AKNA: variants seen among roughly 807,000 people sequenced by gnomAD.
The protein encoded by AKNA is microtubule organization protein AKNA.
A neutral mutation model predicts 138.8 loss-of-function variants in AKNA; 67 were observed. The observed-to-expected ratio is 0.48, with a 90% CI of 0.40 to 0.59. The LOEUF (loss-of-function observed/expected upper bound fraction) is 0.59, where lower values mean the gene tolerates loss of function less well. Ranked by LOEUF, AKNA falls within the 20% of genes least tolerant of loss-of-function variation. AKNA has a pLI of 0.00. For synonymous variants in AKNA, 737 were observed against 754.4 expected, an observed-to-expected ratio of 0.98 and a Z score of 0.38; for missense variants, 1,813 against 1,880.4, an observed-to-expected ratio of 0.96 and a Z score of 0.66.
rs1554842085 is a variant in AKNA at position 114,372,969 on chromosome 9, G to GGGGA, written c.1416+1123_1416+1124insTCCC. On this transcript the variant is annotated intron_variant, in intron 4 of 21. Transcript: ENST00000374088. The stretch of plus-strand genomic sequence containing the variant: ...CAGCAGGTGTGGGGACGCAGCGGGG[G>GGGGA]GGGGGGGGGTCCTGGTCCTAGAACA... Among the ~76,000 whole-genome samples, 2 of 137,824 alleles carry GGGGA rather than the reference G, an allele frequency of 1.5e-5. 1 individual carries two copies. The highest frequency in any genetic ancestry group is 1.4e-4 in the Admixed American group (2 of 14,378). 90.4% of individuals were successfully genotyped at this position (137,824 alleles called of 152,430 possible).
chr9:114,391,294 G>A (rs1294650667), upstream of AKNA, among the ~76,000 whole-genome samples: 2 of 152,216 alleles, frequency 1.3e-5, no homozygotes, highest in South Asian at 2.1e-4. Context: ...CAATAAAATC[G>A]AGAGTGGAGC....
intron 21 of AKNA, among the ~76,000 whole-genome samples, chr9:114,340,910 C>T (rs1250505053): frequency 6.6e-6 from 1 of 152,166 alleles, no homozygotes; most frequent in African/African-American, 2.4e-5. Flanking sequence ...CAATCGCATA[C>T]CACATGGGAT....
In AKNA at chr9:114,359,619, C is replaced by T. The variant is rs1831775973; in HGVS notation, c.2467G>A (p.Glu823Lys). ...VLPRQCPVQAEKSHGAPLEEA... is the reference protein window; with the variant it reads ...VLPRQCPVQAKKSHGAPLEEA... ...TCCAGGGGAGCCCCATGACTTTTCT[C>T]AGCCTGCACCGGGCACTGCCTTGGG... The change falls in exon 11 of 22, where the codon GAG becomes AAG. Residue 823 changes from glutamate (E) to lysine (K), a missense_variant. Glu to Lys is a moderately conservative substitution (Grantham distance 56). Transcript: ENST00000374088. 1 of 1,614,086 alleles carries T rather than the reference C, an allele frequency of 6.2e-7. No homozygotes were observed. Among genetic ancestry groups the T allele is most frequent in the Admixed American group, 1.7e-5 (1 of 60,010 alleles).
chr9:114,379,098 C>G (rs1055513249), intron 2 of AKNA, among the ~76,000 whole-genome samples: 2 of 152,226 alleles, frequency 1.3e-5, no homozygotes, highest in Non-Finnish European at 2.9e-5. Flanking sequence ...GGACCTAGGA[C>G]CCAGGCCCCA....
At position 114,381,076 on chromosome 9, in the gene AKNA, T is replaced by C; in HGVS notation, c.258A>G (p.Gly86=). 6.3e-7 allele frequency: 1 copy of C among 1,582,818 alleles called. No homozygotes were observed. The highest frequency in any genetic ancestry group is 8.6e-7 in the Non-Finnish European group (1 of 1,163,990). Residue 86 remains glycine (G), a synonymous_variant, in exon 2 of 22, where the codon GGA becomes GGG. Coordinates refer to ENST00000374088, the MANE Select transcript of AKNA (RefSeq NM_001317950.2). ...QPDGHQDSES[G]ETSGEEAEAE... ...CAGTCTCACCTTCTCCCGAAGTCTC[T>C]CCTGACTCGGAATCCTGATGCCCAT...
At position 114,377,147 on chromosome 9, in the gene AKNA, T is replaced by C. The variant is rs1466024126; in HGVS notation, c.660A>G (p.Glu220=). Residue 220 remains glutamate, a synonymous_variant, in exon 3 of 22, where the codon GAA becomes GAG. Transcript: ENST00000374088. ...TGGGCTGGGGGCCATCGGTCTCTCCTTCCCAGGTAGAATCAAGGCTGTCAC... is the reference window on the plus strand; with the variant it reads ...TGGGCTGGGGGCCATCGGTCTCTCCCTCCCAGGTAGAATCAAGGCTGTCAC... ...HPSDSLDSTW[E]GETDGPQPTA... 1 of 1,614,186 alleles carries C rather than the reference T, an allele frequency of 6.2e-7. No homozygotes were observed. The highest frequency in any genetic ancestry group is 2.2e-5 in the East Asian group (1 of 44,872).
chr9:114,359,422 C>A, intron 11 of AKNA, 172 bp downstream of exon 11: 1 of 1,310,306 alleles, frequency 7.6e-7, no homozygotes, highest in Non-Finnish European at 1.0e-6. Context: ...ATGTCCCACA[C>A]TACCCAAAAT....
chr9:114,393,330 C>T (rs952587545), intron 1 of AKNA, among the ~76,000 whole-genome samples: 1 of 151,726 alleles, frequency 6.6e-6, no homozygotes. Context: ...ATTCTCCTGC[C>T]TCAGCCTCCT....
chr9:114,377,486 A>G lies in AKNA; in HGVS notation c.321T>C (p.Pro107=). Residue 107 remains proline (P), a synonymous_variant, in exon 3 of 22, where the codon CCT becomes CCC. Coordinates refer to ENST00000374088, the MANE Select transcript of AKNA (RefSeq NM_001317950.2). The part of the protein sequence containing the change: ...DVDSPASSHE[P]LAWLPQQGRQ... The stretch of plus-strand genomic sequence containing the variant: ...GGCCCTGCTGGGGGAGCCAGGCAAG[A>G]GGCTCATGGGAACTTGCTGGGCTGT... 6.2e-7 allele frequency: 1 copy of G among 1,612,578 alleles called. No homozygotes were observed. The highest frequency in any genetic ancestry group is 1.1e-5 in the South Asian group (1 of 90,852).
At chr9:114,366,905 A>C (rs899707581) in intron 6 of AKNA, among the ~76,000 whole-genome samples, 1 of 152,196 alleles carries the variant, frequency 6.6e-6, no homozygotes, top group Non-Finnish European at 1.5e-5. Context: ...AGGGTCCAAC[A>C]GAACATTTTA....
chr9:114,357,938 C>A lies in AKNA; in HGVS notation c.2722G>T (p.Gly908Cys). ...RLPQKPLHRG[G>C]GPHLEETWMA... ...AGACTTACCTCCAGGTGGGGCCCAC[C>A]GCCTCGGTGCAAAGGCTTCTGTGGA... Residue 908 changes from glycine (G) to cysteine (C), a missense_variant, in exon 12 of 22, where the codon GGT (glycine) becomes TGT (cysteine). Coordinates refer to ENST00000374088, the MANE Select transcript of AKNA (RefSeq NM_001317950.2). 6.3e-7 allele frequency: 1 copy of A among 1,598,160 alleles called. No homozygotes were observed. Among genetic ancestry groups the A allele is most frequent in the Non-Finnish European group, 8.5e-7 (1 of 1,175,252 alleles).
chr9:114,397,859 C>CT (rs1834580301), upstream of AKNA, among the ~76,000 whole-genome samples: 1 of 152,230 alleles, frequency 6.6e-6, no homozygotes, highest in African/African-American at 2.4e-5. Context: ...ACCTTCCCCC[C>CT]CGCGACAAAA....
intron 11 of AKNA, 92 bp downstream of exon 11, chr9:114,359,502 T>G (rs952406230): frequency 3.8e-6 from 6 of 1,598,056 alleles, no homozygotes; most frequent in Non-Finnish European, 5.1e-6. Context: ...ATGTCTAAAC[T>G]GTGAAGCGCT....
Position 114,341,593 on chromosome 9 carries a change from G to C in AKNA, c.4007C>G (p.Ala1336Gly). ...GGAGATGTAGGCAAAGGCTGGAGGG[G>C]CTGGTGCTGGGGGCGCTGTTGCCAG... ...WYLATAPPAP[A>G]PPAFAYISSV... Residue 1336 changes from alanine (A) to glycine (G), a missense_variant, in exon 21 of 22, where the codon GCC becomes GGC. Transcript: ENST00000374088. 1 of 1,614,080 alleles carries C rather than the reference G, an allele frequency of 6.2e-7. No homozygotes were observed. The highest frequency in any genetic ancestry group is 8.5e-7 in the Non-Finnish European group (1 of 1,179,982).
At position 114,336,376 on chromosome 9, in the gene AKNA, T is replaced by G. The variant is rs1053724678; in HGVS notation, c.*678A>C. 1 of 152,446 alleles carries G rather than the reference T, an allele frequency of 6.6e-6. No individual in the cohort carries two copies. Among genetic ancestry groups the G allele is most frequent in the African/African-American group, 2.4e-5 (1 of 41,416 alleles). 9.4% of individuals were successfully genotyped at this position (152,446 alleles called of 1,614,324 possible). Reference sequence around the variant, plus strand: ...GTAGCTGGCCACTGATAAACGCCACTGGGATCCTAGGAGAAGCTGGGGACC... The same window carrying G: ...GTAGCTGGCCACTGATAAACGCCACGGGGATCCTAGGAGAAGCTGGGGACC... On this transcript the variant is annotated 3_prime_UTR_variant, in exon 22 of 22. Coordinates refer to ENST00000374088, the MANE Select transcript of AKNA (RefSeq NM_001317950.2).
chr9:114,388,281 G>A (rs1834190365), upstream of AKNA, among the ~76,000 whole-genome samples: 2 of 152,226 alleles, frequency 1.3e-5, no homozygotes, highest in Non-Finnish European at 2.9e-5. Context: ...AAAGCACAGA[G>A]AAGGTCAGAG....
chr9:114,357,783 G>A, intron 12 of AKNA, 138 bp downstream of exon 12: 2 of 1,363,160 alleles, frequency 1.5e-6, no homozygotes, highest in Non-Finnish European at 2.0e-6. Flanking sequence ...CATGTCAGGT[G>A]GGATTGTGGC....
intron 2 of AKNA, among the ~76,000 whole-genome samples, chr9:114,377,887 C>G (rs896672220): frequency 2.0e-5 from 3 of 152,160 alleles, no homozygotes; most frequent in Admixed American, 6.5e-5. Flanking sequence ...TGGTCCTGTC[C>G]AATGGGACCT....
At chr9:114,387,253 A>T (rs1323702652) in intron 1 of AKNA, among the ~76,000 whole-genome samples, 2 of 152,138 alleles carry the variant, frequency 1.3e-5, no homozygotes, top group Non-Finnish European at 2.9e-5. Flanking sequence ...CTCTAGTCCC[A>T]CAAGGAAGCA....
Sources: gnomAD v4.1 joint callset for allele counts (sites outside exome capture counted in the v4.1 genomes callset) on GRCh38, gnomAD v4.1.1 for gene constraint, MANE v1.5 for transcripts, NCBI Gene and HGNC (gene_info 2026-07-23, HGNC 2026-07-21) for gene names.